NRG3: variants seen among roughly 807,000 people sequenced by gnomAD.
The protein encoded by NRG3 is pro-neuregulin-3, membrane-bound isoform.
A neutral mutation model predicts 66.9 loss-of-function variants in NRG3; 31 were observed. The ratio of observed to expected loss-of-function variants is 0.46; its 90% confidence interval spans 0.35 to 0.63. NRG3 has a LOEUF of 0.63. Among genes scored for constraint, NRG3 ranks in the 20% least tolerant of loss-of-function variants. NRG3 has a pLI of 0.00. For synonymous variants in NRG3, 393 were observed against 359.4 expected (o/e 1.09, Z -1.06); for missense variants, 910 against 878.9 (o/e 1.04, Z -0.45).
In NRG3 at chr10:82,362,179, T is replaced by C. The variant is rs962817287; in HGVS notation, c.953+3311T>C. ...CATGTTTGTTTCTTCATAATTTTCT[T>C]ATTCCAGTTCTTCAAGAAACACTTG... On this transcript the variant is annotated intron_variant, in intron 2 of 8. Coordinates refer to ENST00000372141, the MANE Select transcript of NRG3 (RefSeq NM_001010848.4). Among the ~76,000 whole-genome samples the C allele has an allele frequency of 4.6e-5, 7 of 151,036 alleles. No individual in the cohort carries two copies. The East Asian group carries it at 9.7e-4, about 21-fold the overall frequency.
intron 1 of NRG3, among the ~76,000 whole-genome samples, chr10:82,105,321 C>A (rs955369255): frequency 6.6e-6 from 1 of 152,018 alleles, no homozygotes; most frequent in Non-Finnish European, 1.5e-5. Flanking sequence ...AAGTAGAAAG[C>A]CCGATATTGT....
chr10:82,786,463 G>T (rs927773782), intron 3 of NRG3, among the ~76,000 whole-genome samples: 4 of 152,108 alleles, frequency 2.6e-5, no homozygotes, highest in Admixed American at 1.3e-4. Context: ...TTTAAAATGG[G>T]AATGTATATC....
rs549696288 is a variant in NRG3 at position 82,506,981 on chromosome 10, A to G, written c.953+148113A>G. ...TTTGTGTGATTATCAGTGAAGTTACACAGCAGTACAGGTAAGATATGCTGT... is the reference window on the plus strand; with the variant it reads ...TTTGTGTGATTATCAGTGAAGTTACGCAGCAGTACAGGTAAGATATGCTGT... On this transcript the variant is annotated intron_variant, in intron 2 of 8. Transcript: ENST00000372141. Among the ~76,000 whole-genome samples, 3 of 152,336 alleles carry G rather than the reference A, an allele frequency of 2.0e-5. No individual in the cohort carries two copies. The South Asian group carries it at 6.2e-4, about 32-fold the overall frequency.
chr10:82,766,703 G>A (rs921451789), intron 3 of NRG3, among the ~76,000 whole-genome samples: 2 of 151,812 alleles, frequency 1.3e-5, no homozygotes, highest in African/African-American at 4.8e-5. Context: ...CAAGTAGTAC[G>A]CTGATTACCT....
chr10:82,178,340 A>G (rs528405397), intron 1 of NRG3, among the ~76,000 whole-genome samples: 3 of 152,300 alleles, frequency 2.0e-5, no homozygotes, highest in South Asian at 4.1e-4. Context: ...TTTTCATTTT[A>G]TGTGACTAAT....
At chr10:81,981,565 T>C (rs891449990) in intron 1 of NRG3, among the ~76,000 whole-genome samples, 1 of 152,140 alleles carries the variant, frequency 6.6e-6, no homozygotes, top group South Asian at 2.1e-4. Flanking sequence ...TCTATCATCC[T>C]GGGAAGTGGC....
chr10:82,449,723 C>T (rs1037351211), intron 2 of NRG3, among the ~76,000 whole-genome samples: 10 of 152,124 alleles, frequency 6.6e-5, no homozygotes, highest in South Asian at 2.1e-4. Context: ...TATGTGTGGT[C>T]GCAGGCTGTC....
chr10:82,394,923 C>G (rs1236018027), intron 2 of NRG3, among the ~76,000 whole-genome samples: 3 of 152,124 alleles, frequency 2.0e-5, no homozygotes, highest in African/African-American at 7.2e-5. Context: ...CAATTCATCC[C>G]TTCCCAGTAG....
In NRG3 at chr10:82,059,729, C is replaced by T. The variant is rs182659207; in HGVS notation, c.823+183566C>T. On this transcript the variant is annotated intron_variant, in intron 1 of 8. Transcript: ENST00000372141. ...GTACACCTAATCAATCCATCCTACA[C>T]CAGGATGGATTCTTCGCTTTCCATA... Among the ~76,000 whole-genome samples, 185 of 152,202 alleles carry T rather than the reference C, an allele frequency of 1.2e-3. 1 individual carries two copies. The highest frequency in any genetic ancestry group is 3.5e-4 in the Non-Finnish European group (24 of 67,998).
chr10:82,565,550 C>T (rs2045345150), intron 2 of NRG3, among the ~76,000 whole-genome samples: 1 of 152,068 alleles, frequency 6.6e-6, no homozygotes, highest in Non-Finnish European at 1.5e-5. Context: ...TCTCCAGTGG[C>T]CCACTTTATG....
intron 2 of NRG3, among the ~76,000 whole-genome samples, chr10:82,558,569 T>A (rs2132979092): frequency 6.6e-6 from 1 of 152,118 alleles, no homozygotes; most frequent in South Asian, 2.1e-4. Context: ...CATTAAGTAC[T>A]GAAATATGGT....
Position 82,894,868 on chromosome 10 carries a change from G to T in NRG3, c.1054+29431G>T, listed in dbSNP as rs550440499. ...AGGTTTTAAGCCCTGCATGCATTAG[G>T]TGTTTGTGCTAATGCTCTCCCTCCC... On this transcript the variant is annotated intron_variant, in intron 4 of 8. Transcript: ENST00000372141. Among the ~76,000 whole-genome samples, 23 of 152,232 alleles carry T rather than the reference G, an allele frequency of 1.5e-4. 1 individual carries two copies. Among genetic ancestry groups the T allele is most frequent in the Middle Eastern group, 3.4e-3 (1 of 294 alleles).
intron 1 of NRG3, among the ~76,000 whole-genome samples, chr10:82,187,063 AC>A (rs921656074): frequency 6.6e-6 from 1 of 152,216 alleles, no homozygotes; most frequent in Admixed American, 6.5e-5. Context: ...TTTGGTAGAT[AC>A]TTGTAATTGA....
At chr10:81,981,104 C>T (rs749416441) in intron 1 of NRG3, among the ~76,000 whole-genome samples, 1 of 152,092 alleles carries the variant, frequency 6.6e-6, no homozygotes, top group African/African-American at 2.4e-5. Context: ...ATACATTCAC[C>T]CTAATCCCAA....
intron 1 of NRG3, among the ~76,000 whole-genome samples, chr10:81,918,095 A>G (rs1481409763): frequency 3.9e-5 from 6 of 152,234 alleles, no homozygotes; most frequent in Admixed American, 2.6e-4. Context: ...TAGTTTTTTC[A>G]TGCTGAAATG....
rs564312261 is a variant in NRG3 at position 82,564,155 on chromosome 10, G to A, written c.954-174422G>A. Among the ~76,000 whole-genome samples, 13 of 152,212 alleles carry A rather than the reference G, an allele frequency of 8.5e-5. No homozygotes were observed. In the East Asian group the frequency reaches 2.3e-3, roughly 27 times the overall value. ...AAAATCTCACAGATCACTTTTCCAT[G>A]TGCATACATTGTTTGGATAAACAAC... is the stretch of plus-strand genomic sequence containing the variant. On this transcript the variant is annotated intron_variant, in intron 2 of 8. Transcript: ENST00000372141.
chr10:82,208,802 C>T (rs548213107), intron 1 of NRG3, among the ~76,000 whole-genome samples: 35 of 152,112 alleles, frequency 2.3e-4, no homozygotes, highest in Non-Finnish European at 4.1e-4. Flanking sequence ...ATGGCAACTG[C>T]TACCATGGCT....
At chr10:82,726,777 T>G (rs1002780762) in intron 2 of NRG3, among the ~76,000 whole-genome samples, 3 of 152,032 alleles carry the variant, frequency 2.0e-5, no homozygotes, top group African/African-American at 7.3e-5. Context: ...TGGAACAGTT[T>G]GGAGGGCTCA....
intron 2 of NRG3, among the ~76,000 whole-genome samples, chr10:82,723,990 A>G (rs954291853): frequency 2.7e-5 from 4 of 150,042 alleles, no homozygotes; most frequent in Non-Finnish European, 5.9e-5. Flanking sequence ...AAAAAAAAGT[A>G]AATAAATAAA....
Sources: gnomAD v4.1 joint callset for allele counts (sites outside exome capture counted in the v4.1 genomes callset) on GRCh38, gnomAD v4.1.1 for gene constraint, MANE v1.5 for transcripts, NCBI Gene and HGNC (gene_info 2026-07-23, HGNC 2026-07-21) for gene names.